The following GRXCR1 variants were observed in gnomAD, a reference collection of about 807,000 sequenced individuals.
GRXCR1 encodes the protein glutaredoxin domain-containing cysteine-rich protein 1.
In GRXCR1, 27 loss-of-function variants were observed where a neutral mutation model predicts 27.3. The ratio of observed to expected loss-of-function variants is 0.99; its 90% CI spans 0.73 to 1.37. GRXCR1 has a LOEUF of 1.37. GRXCR1 is among the 40% of genes most tolerant of loss of function. The pLI is 0.00. For missense variants in GRXCR1, 379 were observed against 354.4 expected, an observed-to-expected ratio of 1.07 and a Z score of -0.56; for synonymous variants, 122 against 131.1, an observed-to-expected ratio of 0.93 and a Z score of 0.47.
At chr4:42,927,910 T>G (rs981409723) in intron 1 of GRXCR1, among the ~76,000 whole-genome samples, 4 of 151,932 alleles carry the variant, frequency 2.6e-5, no homozygotes, top group African/African-American at 9.7e-5. Flanking sequence ...GAGTGGGGAT[T>G]GAGCAGAGAA....
chr4:43,013,589 A>T (rs1160756), intron 2 of GRXCR1, among the ~76,000 whole-genome samples: 77,714 of 151,464 alleles, frequency 0.51, 20,202 homozygotes, highest in East Asian at 0.79. Context: ...CATGCATTAT[A>T]CCCAGGTAAC....
At chr4:42,941,992 C>G (rs1356757312) in intron 1 of GRXCR1, among the ~76,000 whole-genome samples, 2 of 151,972 alleles carry the variant, frequency 1.3e-5, no homozygotes, top group African/African-American at 4.8e-5. Context: ...ACTAACACAG[C>G]AACTTGAGCA....
intron 3 of GRXCR1, among the ~76,000 whole-genome samples, chr4:43,021,581 G>A (rs945479445): frequency 2.0e-5 from 3 of 152,102 alleles, no homozygotes; most frequent in Admixed American, 6.6e-5. Context: ...TGCTAAGGGA[G>A]ACAACAATGT....
chr4:42,898,986 T>C (rs1746408798), intron 1 of GRXCR1, among the ~76,000 whole-genome samples: 1 of 152,136 alleles, frequency 6.6e-6, no homozygotes, highest in Admixed American at 6.6e-5. Flanking sequence ...GAGTTGGTAC[T>C]ACTGATATTT....
At chr4:42,914,653 T>C (rs1368296950) in intron 1 of GRXCR1, among the ~76,000 whole-genome samples, 1 of 152,176 alleles carries the variant, frequency 6.6e-6, no homozygotes, top group African/African-American at 2.4e-5. Context: ...TGTTTTTAAA[T>C]GTGAGGACAT....
chr4:42,912,864 G>A (rs1746755506), intron 1 of GRXCR1, among the ~76,000 whole-genome samples: 1 of 152,150 alleles, frequency 6.6e-6, no homozygotes, highest in Non-Finnish European at 1.5e-5. Flanking sequence ...GACACATGTA[G>A]ATAATTGAAT....
At chr4:42,979,713 GA>G (rs1748604777) in intron 2 of GRXCR1, among the ~76,000 whole-genome samples, 1 of 151,928 alleles carries the variant, frequency 6.6e-6, no homozygotes, top group South Asian at 2.1e-4. Flanking sequence ...TATTGGAAGA[GA>G]TTTTTTTGGT....
At chr4:43,018,759 T>C (rs1713008692) in intron 2 of GRXCR1, among the ~76,000 whole-genome samples, 1 of 152,226 alleles carries the variant, frequency 6.6e-6, no homozygotes, top group African/African-American at 2.4e-5. Context: ...TTAACTTAGC[T>C]ATCTCTTAAA....
At chr4:42,947,150 T>TG (rs1447480951) in intron 1 of GRXCR1, among the ~76,000 whole-genome samples, 2 of 152,004 alleles carry the variant, frequency 1.3e-5, no homozygotes, top group Non-Finnish European at 2.9e-5. Context: ...GATGTACATT[T>TG]GGGGGCTTCA....
intron 1 of GRXCR1, among the ~76,000 whole-genome samples, chr4:42,904,810 A>G (rs934112581): frequency 6.6e-6 from 1 of 152,150 alleles, no homozygotes; most frequent in Non-Finnish European, 1.5e-5. Context: ...GTCCTCAGAG[A>G]ATCTAATTCT....
intron 2 of GRXCR1, among the ~76,000 whole-genome samples, chr4:42,996,518 C>A (rs1291863728): frequency 6.6e-6 from 1 of 151,860 alleles, no homozygotes; most frequent in African/African-American, 2.4e-5. Context: ...TTTTAGTTTG[C>A]ACAACAAAAA....
intron 1 of GRXCR1, among the ~76,000 whole-genome samples, chr4:42,901,311 T>C (rs1383080070): frequency 1.3e-5 from 2 of 152,192 alleles, no homozygotes; most frequent in South Asian, 4.1e-4. Flanking sequence ...TTCACAGTTA[T>C]GGAGGTCAGA....
intron 1 of GRXCR1, among the ~76,000 whole-genome samples, chr4:42,921,747 T>C (rs1383398277): frequency 1.3e-5 from 2 of 152,164 alleles, no homozygotes; most frequent in Non-Finnish European, 2.9e-5. Flanking sequence ...CAGAATGTTC[T>C]ACCTCTAAAA....
At chr4:43,019,383 C>A (rs1713031203) in intron 2 of GRXCR1, among the ~76,000 whole-genome samples, 1 of 152,100 alleles carries the variant, frequency 6.6e-6, no homozygotes, top group Non-Finnish European at 1.5e-5. Context: ...CTGCTTAGCA[C>A]AAGTAGGAAT....
At chr4:43,001,602 T>C (rs60275434) in intron 2 of GRXCR1, among the ~76,000 whole-genome samples, 23,315 of 152,148 alleles carry the variant, frequency 0.15, 1,921 homozygotes, top group Non-Finnish European at 0.18. Flanking sequence ...AAATAGCTTC[T>C]TTGTAATTGT....
intron 2 of GRXCR1, among the ~76,000 whole-genome samples, chr4:42,994,031 A>G (rs1032891789): frequency 6.6e-6 from 1 of 152,258 alleles, no homozygotes; most frequent in South Asian, 2.1e-4. Flanking sequence ...GAAAGGAAGA[A>G]ATGTTTTATA....
intron 3 of GRXCR1, among the ~76,000 whole-genome samples, chr4:43,024,859 C>A (rs2109809529): frequency 6.6e-6 from 1 of 152,238 alleles, no homozygotes; most frequent in East Asian, 1.9e-4. Flanking sequence ...AGCGTGTACT[C>A]TGACAATTTG....
At chr4:42,904,389 C>T (rs954379348) in intron 1 of GRXCR1, among the ~76,000 whole-genome samples, 4 of 152,182 alleles carry the variant, frequency 2.6e-5, no homozygotes, top group Admixed American at 6.5e-5. Flanking sequence ...CAAAGCCCCC[C>T]TTTTCTTTGT....
intron 1 of GRXCR1, among the ~76,000 whole-genome samples, chr4:42,907,251 A>G (rs1346250594): frequency 6.6e-6 from 1 of 152,136 alleles, no homozygotes; most frequent in East Asian, 1.9e-4. Flanking sequence ...ATCAGCCAGC[A>G]TTACTAAGGG....
Sources: gnomAD v4.1 joint callset for allele counts (sites outside exome capture counted in the v4.1 genomes callset) on GRCh38, gnomAD v4.1.1 for gene constraint, MANE v1.5 for transcripts, NCBI Gene and HGNC (gene_info 2026-07-23, HGNC 2026-07-21) for gene names.